TRAPPC9: variants seen among roughly 807,000 people sequenced by gnomAD.
TRAPPC9 encodes the protein trafficking protein particle complex subunit 9, also known as IKK2 binding protein.
Under a neutral mutation model 124.0 loss-of-function variants are expected in TRAPPC9, and 83 were observed. The observed-to-expected ratio is 0.67, with a 90% CI of 0.56 to 0.80. The LOEUF (loss-of-function observed/expected upper bound fraction) is 0.80, where lower values mean the gene tolerates loss of function less well. Among genes scored for constraint, TRAPPC9 ranks in the 30% least tolerant of loss-of-function variants. The pLI is 0.00. For missense variants in TRAPPC9, 1,302 were observed against 1,508.3 expected (o/e 0.86, Z 2.27); for synonymous variants, 638 against 617.5 (o/e 1.03, Z -0.49).
In TRAPPC9 at chr8:140,401,442, C is replaced by G. The variant is rs1006507832; in HGVS notation, c.1009-3697G>C. Among the ~76,000 whole-genome samples the G allele has an allele frequency of 2.0e-5, 3 of 152,154 alleles. No homozygotes were observed. In the East Asian group the frequency reaches 5.8e-4, roughly 29 times the overall value. On this transcript the variant is annotated intron_variant, in intron 6 of 22. Transcript: ENST00000438773. ...AATCTATCAATTGTATATACTGTTT[C>G]ATGACACAAGAAAAAACTAACACAG...
In TRAPPC9 at chr8:140,439,156, A is replaced by G; in HGVS notation, c.626T>C (p.Val209Ala). Residue 209 changes from valine to alanine, a missense_variant, in exon 3 of 23, where the codon GTG becomes GCG. Physicochemically the swap from Val to Ala is moderately conservative, Grantham distance 64 (BLOSUM62 0). Around this residue, in one of 3 missense-constraint regions of TRAPPC9, gnomAD observed 657 missense variants for 811.2 expected, o/e 0.81. Coordinates refer to ENST00000438773, the MANE Select transcript of TRAPPC9 (RefSeq NM_001160372.4). ...CCCTGCCTGCAGGCACAGGTCCCCC[A>G]CGTGCTTCCGCATGCGGCCTTGGCA... The part of the protein sequence containing the change: ...KRCQGRMRKH[V>A]GDLCLQAGML... 1 of 1,614,086 alleles carries G rather than the reference A, an allele frequency of 6.2e-7. No individual in the cohort carries two copies. The highest frequency in any genetic ancestry group is 2.2e-5 in the East Asian group (1 of 44,898).
At chr8:139,980,124 C>G (rs950827233) in intron 19 of TRAPPC9, among the ~76,000 whole-genome samples, 3 of 151,888 alleles carry the variant, frequency 2.0e-5, no homozygotes, top group African/African-American at 7.3e-5. Flanking sequence ...AGCTCCATGC[C>G]CCCCCAGACT....
chr8:139,758,885 C>T (rs999421022), intron 21 of TRAPPC9, among the ~76,000 whole-genome samples: 3 of 152,330 alleles, frequency 2.0e-5, no homozygotes, highest in Admixed American at 2.0e-4. Flanking sequence ...GCCTGTGTTG[C>T]CTCCCCATCC....
At chr8:140,141,979 G>A (rs1362756303) in intron 17 of TRAPPC9, among the ~76,000 whole-genome samples, 1 of 152,192 alleles carries the variant, frequency 6.6e-6, no homozygotes, top group Non-Finnish European at 1.5e-5. Flanking sequence ...CACCCTGGGG[G>A]AACAAAGCAC....
intron 21 of TRAPPC9, among the ~76,000 whole-genome samples, chr8:139,748,582 TG>T (rs1334936431): frequency 6.8e-6 from 1 of 147,302 alleles, no homozygotes; most frequent in Non-Finnish European, 1.5e-5. Flanking sequence ...AGAGCTGGCA[TG>T]GGGGGCATGC....
At chr8:139,940,935 C>G (rs1326730872) in intron 19 of TRAPPC9, among the ~76,000 whole-genome samples, 1 of 152,186 alleles carries the variant, frequency 6.6e-6, no homozygotes, top group East Asian at 1.9e-4. Context: ...CCCCAGGCAT[C>G]TGCGATAGTA....
intron 21 of TRAPPC9, among the ~76,000 whole-genome samples, chr8:139,768,298 A>G (rs1428206125): frequency 2.6e-5 from 4 of 152,250 alleles, no homozygotes; most frequent in Non-Finnish European, 5.9e-5. Flanking sequence ...GGTGCCTCCC[A>G]GGTGCTGGAC....
intron 19 of TRAPPC9, among the ~76,000 whole-genome samples, chr8:139,949,268 C>T (rs966404228): frequency 5.3e-5 from 8 of 151,838 alleles, no homozygotes; most frequent in Non-Finnish European, 1.5e-5. Context: ...AACTTTAAAA[C>T]CTTAGATATA....
At chr8:139,857,112 G>A (rs1383545336) in intron 21 of TRAPPC9, among the ~76,000 whole-genome samples, 1 of 149,966 alleles carries the variant, frequency 6.7e-6, no homozygotes, top group East Asian at 2.0e-4. Flanking sequence ...CCAGGCAGAA[G>A]GAAAGCATGT....
rs2060476104 is a variant in TRAPPC9, at chr8:140,097,607, C to T, written c.2557-73528G>A. ...GCTGCTGTCCACACCATAAAAACTCCTGGCCACAGACGTGCCACAGTCGGC... is the reference window on the plus strand; with the variant it reads ...GCTGCTGTCCACACCATAAAAACTCTTGGCCACAGACGTGCCACAGTCGGC... On this transcript the variant is annotated intron_variant, in intron 17 of 22. Coordinates refer to ENST00000438773, the MANE Select transcript of TRAPPC9 (RefSeq NM_001160372.4). This position sits in a 1 kb window ranked among gnomAD's most constrained non-coding sequence, Gnocchi z 4.2. The T allele has an allele frequency of 6.6e-6, 1 of 152,292 alleles. No homozygotes were observed. Among genetic ancestry groups the T allele is most frequent in the South Asian group, 2.1e-4 (1 of 4,836 alleles). The allele number at this position is 152,292 out of a possible 1,614,324, so 9.4% of individuals were successfully genotyped here.
Position 139,788,513 on chromosome 8 carries a change from C to T in TRAPPC9, c.3056-56311G>A, listed in dbSNP as rs937857582. Among the ~76,000 whole-genome samples the T allele has an allele frequency of 2.0e-5, 3 of 152,296 alleles. No individual in the cohort carries two copies. The highest frequency in any genetic ancestry group is 2.1e-4 in the South Asian group (1 of 4,828). On this transcript the variant is annotated intron_variant, in intron 21 of 22. Transcript: ENST00000438773. The surrounding 1 kb of genome is among the most constrained non-coding windows in gnomAD (Gnocchi z 4.9). ...CCTCCAGGCACAGCCAGCCATCGGG[C>T]GGCCCATGGTCCTGGGGCATGGCAG...
chr8:140,393,803 A>G (rs950577150), intron 7 of TRAPPC9, among the ~76,000 whole-genome samples: 2 of 152,226 alleles, frequency 1.3e-5, no homozygotes, highest in African/African-American at 4.8e-5. Context: ...GAAAAACTAC[A>G]GACCCCTCTT....
chr8:140,180,679 A>ATTTTTTT (rs11292362), intron 17 of TRAPPC9, among the ~76,000 whole-genome samples: 8 of 138,132 alleles, frequency 5.8e-5, no homozygotes, highest in Non-Finnish European at 1.3e-4. Context: ...GTTAACAGCT[A>ATTTTTTT]TTTTTTTTTT....
intron 6 of TRAPPC9, among the ~76,000 whole-genome samples, chr8:140,405,127 A>G (rs1428170604): frequency 6.6e-6 from 1 of 152,194 alleles, no homozygotes; most frequent in Non-Finnish European, 1.5e-5. Flanking sequence ...TTTTCAATCC[A>G]AACTAAAAAG....
At chr8:140,143,468 A>G (rs1023317070) in intron 17 of TRAPPC9, among the ~76,000 whole-genome samples, 3 of 152,218 alleles carry the variant, frequency 2.0e-5, no homozygotes, top group Non-Finnish European at 4.4e-5. Flanking sequence ...TTTCATATAT[A>G]CAGAAAAATG....
At chr8:139,841,274 T>G (rs1263054103) in intron 21 of TRAPPC9, among the ~76,000 whole-genome samples, 1 of 152,206 alleles carries the variant, frequency 6.6e-6, no homozygotes, top group Non-Finnish European at 1.5e-5. Context: ...GGTCAGCTGC[T>G]TAGTAACTAC....
chr8:140,434,432 G>C (rs1328612823), intron 4 of TRAPPC9, among the ~76,000 whole-genome samples: 1 of 152,158 alleles, frequency 6.6e-6, no homozygotes, highest in African/African-American at 2.4e-5. Context: ...CTCATTGAGA[G>C]AATGTCATCA....
At chr8:140,261,648 T>G (rs1296690292) in intron 15 of TRAPPC9, among the ~76,000 whole-genome samples, 1 of 152,204 alleles carries the variant, frequency 6.6e-6, no homozygotes, top group Non-Finnish European at 1.5e-5. Flanking sequence ...GTCTAGCGTA[T>G]CAGGAGTGTA....
At position 139,984,237 on chromosome 8, in the gene TRAPPC9, G is replaced by C. The variant is rs1398616348; in HGVS notation, c.2810+4489C>G. Among the ~76,000 whole-genome samples the C allele has an allele frequency of 6.6e-6, 1 of 152,178 alleles. No homozygotes were observed. The highest frequency in any genetic ancestry group is 2.4e-5 in the African/African-American group (1 of 41,450). Reference sequence around the variant, plus strand: ...TCCAGGAATCTGGCTCTTCCTTTAAGAGTAGGCTGTGCTATCTGCAGAGAA... The same window carrying C: ...TCCAGGAATCTGGCTCTTCCTTTAACAGTAGGCTGTGCTATCTGCAGAGAA... On this transcript the variant is annotated intron_variant, in intron 19 of 22. Transcript: ENST00000438773. This position sits in a 1 kb window ranked among gnomAD's most constrained non-coding sequence, Gnocchi z 4.3.
Sources: allele counts gnomAD v4.1 joint callset (sites outside exome capture counted in the v4.1 genomes callset), GRCh38; gene constraint gnomAD v4.1.1; regional missense constraint gnomAD v4.1.1; non-coding constraint Gnocchi (gnomAD v3.1); transcripts MANE v1.5; gene names NCBI Gene and HGNC (gene_info 2026-07-23, HGNC 2026-07-21).